Variants in PARP8 observed in about 807,000 individuals in gnomAD.
The protein encoded by PARP8 is poly(ADP-ribose) polymerase family member 8.
PARP8 carries 51 observed loss-of-function variants against 124.1 expected under a neutral mutation model. The observed-to-expected ratio is 0.41, with a 90% CI of 0.33 to 0.52. PARP8 has a LOEUF of 0.52. Among genes scored for constraint, PARP8 ranks in the 20% least tolerant of loss-of-function variants. The pLI, the probability that PARP8 is intolerant of heterozygous loss-of-function variation, is 0.21. For missense variants in PARP8, 860 were observed against 1,018.9 expected (o/e 0.84, Z 2.12); for synonymous variants, 391 against 361.5 (o/e 1.08, Z -0.93).
chr5:50,770,827 T>C (rs1319432610), intron 7 of PARP8, among the ~76,000 whole-genome samples: 1 of 152,086 alleles, frequency 6.6e-6, no homozygotes, highest in African/African-American at 2.4e-5. Context: ...CAGAAAATGT[T>C]TGTGGTACCC....
At chr5:50,839,233 C>T (rs1747908158) in intron 25 of PARP8, among the ~76,000 whole-genome samples, 1 of 151,998 alleles carries the variant, frequency 6.6e-6, no homozygotes, top group African/African-American at 2.4e-5. Flanking sequence ...TTTTTACACT[C>T]CTGGGAATAT....
Position 50,719,751 on chromosome 5 carries a change from T to C in PARP8, c.147-30400T>C, listed in dbSNP as rs75802179. 3.3e-3 allele frequency among the ~76,000 whole-genome samples: 504 copies of C among 152,180 alleles called. 27 individuals are homozygous for C. In the East Asian group the frequency reaches 0.083, roughly 25 times the overall value. ...ATTAAAATGTGTGGCTTCCTTTTTC[T>C]TTTAGAAGTTTGGTAGTTTAAAAGA... On this transcript the variant is annotated intron_variant, in intron 2 of 25. Transcript: ENST00000281631.
intron 2 of PARP8, among the ~76,000 whole-genome samples, chr5:50,705,673 T>C (rs577622753): frequency 6.6e-6 from 1 of 152,052 alleles, no homozygotes; most frequent in Admixed American, 6.6e-5. Flanking sequence ...TAATCCCAGC[T>C]ACTCGGGAGG....
At chr5:50,771,670 G>A (rs1157563462) in intron 7 of PARP8, among the ~76,000 whole-genome samples, 5 of 85,602 alleles carry the variant, frequency 5.8e-5, no homozygotes, top group African/African-American at 1.9e-4. Flanking sequence ...TTGAATAGTC[G>A]ATAGAAATTT....
intron 14 of PARP8, among the ~76,000 whole-genome samples, chr5:50,797,546 G>A (rs571736644): frequency 6.6e-6 from 1 of 152,252 alleles, no homozygotes; most frequent in Admixed American, 6.5e-5. Flanking sequence ...GTGTTTACAA[G>A]GTTATGTGAC....
At chr5:50,736,396 C>T (rs1457222404) in intron 2 of PARP8, among the ~76,000 whole-genome samples, 1 of 152,036 alleles carries the variant, frequency 6.6e-6, no homozygotes, top group Non-Finnish European at 1.5e-5. Flanking sequence ...TTAACCAATG[C>T]CTATTTGGAA....
intron 1 of PARP8, 137 bp from the exon 2 acceptor site, chr5:50,667,934 G>T (rs1361198023): frequency 9.0e-6 from 14 of 1,549,774 alleles, no homozygotes; most frequent in African/African-American, 2.7e-5. Context: ...GGCGCAGAGG[G>T]ACCTCGCCGC....
At position 50,846,478 on chromosome 5, in the gene PARP8, A is replaced by C. The variant is rs1748622843; in HGVS notation, c.*4410A>C. On this transcript the variant is annotated 3_prime_UTR_variant, in exon 26 of 26. Coordinates refer to ENST00000281631, the MANE Select transcript of PARP8 (RefSeq NM_024615.4). ...TGTAATAGTTCCAACATTGTAGCGAATGTAAATGTTTACTTTCAATAAATC... is the reference window on the plus strand; with the variant it reads ...TGTAATAGTTCCAACATTGTAGCGACTGTAAATGTTTACTTTCAATAAATC... 2 of 151,758 alleles carry C rather than the reference A, an allele frequency of 1.3e-5. No individual in the cohort carries two copies. The highest frequency in any genetic ancestry group is 4.1e-4 in the South Asian group (2 of 4,828). The allele number at this position is 151,758 out of a possible 1,614,324, so 9.4% of individuals were successfully genotyped here. A position where few individuals can be genotyped will look rare whatever the true frequency, so the allele number is the denominator to read the frequency against.
At chr5:50,734,431 G>A (rs769346483) in intron 2 of PARP8, among the ~76,000 whole-genome samples, 1 of 152,086 alleles carries the variant, frequency 6.6e-6, no homozygotes, top group Non-Finnish European at 1.5e-5. Flanking sequence ...AAAGTCATGA[G>A]GATTAAAGTC....
At chr5:50,811,205 G>A (rs1744396662) in intron 14 of PARP8, among the ~76,000 whole-genome samples, 1 of 152,072 alleles carries the variant, frequency 6.6e-6, no homozygotes, top group Non-Finnish European at 1.5e-5. Flanking sequence ...CCTGAGGAAT[G>A]CAGGTGTTTT....
chr5:50,742,388 G>C (rs1238342714), intron 2 of PARP8, among the ~76,000 whole-genome samples: 1 of 152,116 alleles, frequency 6.6e-6, no homozygotes, highest in Non-Finnish European at 1.5e-5. Flanking sequence ...ATGGAGTGTG[G>C]GTTTATGAGT....
chr5:50,835,124 G>A (rs1345080522), intron 25 of PARP8, 109 bp downstream of exon 25: 9 of 777,616 alleles, frequency 1.2e-5, no homozygotes, highest in Admixed American at 2.5e-5. Context: ...ACAGGTAATT[G>A]AGTTTAACAT....
chr5:50,686,481 A>C (rs1751874261), intron 2 of PARP8, among the ~76,000 whole-genome samples: 6 of 152,082 alleles, frequency 3.9e-5, no homozygotes, highest in Admixed American at 2.6e-4. Context: ...CTGTCAGTGG[A>C]TCTACCATTC....
chr5:50,752,182 A>G (rs1331523625), intron 3 of PARP8, among the ~76,000 whole-genome samples: 2 of 152,076 alleles, frequency 1.3e-5, no homozygotes, highest in African/African-American at 2.4e-5. Context: ...TTGAGGTGTC[A>G]TATCTACTTT....
intron 2 of PARP8, among the ~76,000 whole-genome samples, chr5:50,705,464 C>T (rs1033080227): frequency 7.2e-5 from 11 of 151,860 alleles, no homozygotes; most frequent in African/African-American, 2.2e-4. Context: ...TGGAGAAAAC[C>T]GGAGAGGAGC....
intron 14 of PARP8, among the ~76,000 whole-genome samples, chr5:50,813,972 G>T (rs1349998413): frequency 6.6e-6 from 1 of 152,098 alleles, no homozygotes; most frequent in Non-Finnish European, 1.5e-5. Context: ...ATATAAAAGT[G>T]ATGGTTATTC....
chr5:50,763,296 A>G, intron 7 of PARP8, 54 bp downstream of exon 7: 3 of 1,404,318 alleles, frequency 2.1e-6, no homozygotes, highest in Admixed American at 3.5e-5. Flanking sequence ...AGTCATTGAA[A>G]TTTACTTTTG....
chr5:50,794,746 G>T, intron 11 of PARP8, 107 bp from the exon 12 acceptor site: 1 of 979,202 alleles, frequency 1.0e-6, no homozygotes, highest in Middle Eastern at 3.3e-4. Context: ...ATTAAAATGA[G>T]GTGGTAGAAT....
chr5:50,721,007 T>C (rs1312423447), intron 2 of PARP8, among the ~76,000 whole-genome samples: 1 of 151,934 alleles, frequency 6.6e-6, no homozygotes, highest in African/African-American at 2.4e-5. Flanking sequence ...GGCCTGTTTC[T>C]TTGTTCTGAT....
Sources: gnomAD v4.1 joint callset for allele counts (sites outside exome capture counted in the v4.1 genomes callset) on GRCh38, gnomAD v4.1.1 for gene constraint, MANE v1.5 for transcripts, NCBI Gene and HGNC (gene_info 2026-07-23, HGNC 2026-07-21) for gene names.